Variants in GRB7 observed in about 807,000 individuals in gnomAD.
GRB7 encodes the protein growth factor receptor bound protein 7, also known as growth factor receptor-bound protein 7.
Under a neutral mutation model 64.1 loss-of-function variants are expected in GRB7, and 47 were observed. That is an observed-to-expected ratio of 0.73 (90% CI 0.58 to 0.94). GRB7 has a LOEUF of 0.94. GRB7 is among the 40% of genes least tolerant of loss of function. The pLI is 0.00. For synonymous variants in GRB7, 277 were observed against 279.9 expected (o/e 0.99, Z 0.10); for missense variants, 634 against 718.4 (o/e 0.88, Z 1.34).
In GRB7 at chr17:39,744,599, T is replaced by G; in HGVS notation, c.848T>G (p.Val283Gly). ...GTGGCAGATGTGAACGAGTCCAACGTGTACGTGGTGACGCAGGGCCGCAAG... is the reference window on the plus strand; with the variant it reads ...GTGGCAGATGTGAACGAGTCCAACGGGTACGTGGTGACGCAGGGCCGCAAG... Reference protein sequence around the residue: ...QYVADVNESNVYVVTQGRKLY... With the variant: ...QYVADVNESNGYVVTQGRKLY... Residue 283 changes from valine to glycine, a missense_variant, in exon 8 of 15, where the codon GTG (valine) becomes GGG (glycine). Physicochemically the swap from Val to Gly is moderately radical, Grantham distance 109 (BLOSUM62 -3). This residue lies in a region of GRB7 where 467 missense variants were observed against 576.6 expected (regional missense o/e 0.81). Transcript: ENST00000309156. 2 of 1,612,222 alleles carry G rather than the reference T, an allele frequency of 1.2e-6. No homozygotes were observed. Among genetic ancestry groups the G allele is most frequent in the Non-Finnish European group, 1.7e-6 (2 of 1,179,168 alleles).
intron 7 of GRB7, 138 bp downstream of exon 7, chr17:39,744,345 T>C: frequency 9.3e-7 from 1 of 1,075,398 alleles, no homozygotes; most frequent in Non-Finnish European, 1.4e-6. Context: ...CATCTCTCCC[T>C]ACATCCTTGC....
rs776869597 is a variant in GRB7, at chr17:39,744,635, T to C, written c.884T>C (p.Met295Thr). ...VVTQGRKLYG[M>T]PTDFGFCVKP... Reference sequence around the variant, plus strand: ...ACGCAGGGCCGCAAGCTCTACGGGATGCCCACTGACTTCGGTTTCTGTGTC... The same window carrying C: ...ACGCAGGGCCGCAAGCTCTACGGGACGCCCACTGACTTCGGTTTCTGTGTC... The change falls in exon 8 of 15, where the codon ATG becomes ACG. Residue 295 changes from methionine (M) to threonine (T), a missense_variant. Transcript: ENST00000309156. The C allele has an allele frequency of 6.2e-7, 1 of 1,609,782 alleles. No individual in the cohort carries two copies.
intron 1 of GRB7, among the ~76,000 whole-genome samples, chr17:39,739,626 C>T (rs2059978719): frequency 6.6e-6 from 1 of 152,370 alleles, no homozygotes; most frequent in Admixed American, 6.5e-5. Flanking sequence ...CCCTGAACAC[C>T]GGGCCCCGCC....
intron 7 of GRB7, 108 bp from the exon 8 acceptor site, chr17:39,744,445 A>G: frequency 1.1e-6 from 1 of 935,372 alleles, no homozygotes; most frequent in Middle Eastern, 2.1e-4. Flanking sequence ...GACCCTGGGT[A>G]TTCCCCTGCC....
intron 1 of GRB7, among the ~76,000 whole-genome samples, chr17:39,739,462 C>G (rs2059977357): frequency 1.3e-5 from 2 of 152,210 alleles, no homozygotes; most frequent in Non-Finnish European, 2.9e-5. Flanking sequence ...CACCTGGGCC[C>G]TGCACCCTAA....
chr17:39,746,753 C>T lies in GRB7; in HGVS notation c.1455C>T (p.Ser485=), dbSNP rs754085152. Reference sequence around the variant, plus strand: ...CCACCCCCTTTACTGTACCCCAGAGCGAGGAGGAGGGCCGCCTGTACTTCA... The same window carrying T: ...CCACCCCCTTTACTGTACCCCAGAGTGAGGAGGAGGGCCGCCTGTACTTCA... The part of the protein sequence containing the change: ...QKVKHYLILP[S]EEEGRLYFSM... The change falls in exon 15 of 15, where the codon AGC becomes AGT. Residue 485 remains serine (S), a splice_region_variant and synonymous_variant. Transcript: ENST00000309156. 4 of 1,613,796 alleles carry T rather than the reference C, an allele frequency of 2.5e-6. No homozygotes were observed. Among genetic ancestry groups the T allele is most frequent in the African/African-American group, 1.3e-5 (1 of 75,072 alleles).
intron 9 of GRB7, 25 bp downstream of exon 9, chr17:39,745,009 G>T (rs747012552): frequency 2.5e-6 from 4 of 1,574,914 alleles, no homozygotes; most frequent in East Asian, 2.2e-5. Flanking sequence ...GTGGCATGGG[G>T]GGCTGGCCTG....
chr17:39,745,225 T>C lies in GRB7; in HGVS notation c.1012-18T>C, dbSNP rs377536829. The C allele has an allele frequency of 2.9e-5, 46 of 1,574,932 alleles. No individual in the cohort carries two copies. Among genetic ancestry groups the C allele is most frequent in the East Asian group, 1.1e-4 (5 of 44,494 alleles). On this transcript the variant is annotated intron_variant, in intron 9 of 14. Coordinates refer to ENST00000309156, the MANE Select transcript of GRB7 (RefSeq NM_005310.5). The stretch of plus-strand genomic sequence containing the variant: ...AGGACCTCTCGACCTCAAGCTCTCT[T>C]TCTCTCCCCACCCCCAGTACGGGGT...
In GRB7 at chr17:39,744,292, C is replaced by A. The variant is rs1433361756; in HGVS notation, c.801+85C>A. The stretch of plus-strand genomic sequence containing the variant: ...CCCTTCTCTGCTGGAACCTCTGAGC[C>A]CTTCTCCCCCTGGGCCCCCCAGGCC... On this transcript the variant is annotated intron_variant, in intron 7 of 14. Coordinates refer to ENST00000309156, the MANE Select transcript of GRB7 (RefSeq NM_005310.5). 3.9e-6 allele frequency: 6 copies of A among 1,522,646 alleles called. No homozygotes were observed. The African/African-American group carries it at 5.5e-5, about 14-fold the overall frequency. The allele number at this position is 1,522,646 out of a possible 1,614,324, so 94.3% of individuals were successfully genotyped here.
chr17:39,746,140 C>A lies in GRB7; in HGVS notation c.1390C>A (p.Pro464Thr), dbSNP rs773223736. Residue 464 changes from proline (P) to threonine (T), a missense_variant, in exon 14 of 15, where the codon CCC (proline) becomes ACC (threonine). Around this residue, in one of 2 missense-constraint regions of GRB7, gnomAD observed 467 missense variants for 576.6 expected, o/e 0.81. Coordinates refer to ENST00000309156, the MANE Select transcript of GRB7 (RefSeq NM_005310.5). ...LFLVRESQRNPQGFVLSLCHL... is the reference protein window; with the variant it reads ...LFLVRESQRNTQGFVLSLCHL... ...CCTGGTCCGGGAGAGTCAGCGGAACCCCCAGGGCTTTGTCCTCTCTTTGTG... is the reference window on the plus strand; with the variant it reads ...CCTGGTCCGGGAGAGTCAGCGGAACACCCAGGGCTTTGTCCTCTCTTTGTG... 5.6e-6 allele frequency: 9 copies of A among 1,613,934 alleles called. No individual in the cohort carries two copies.
rs757657755 is a variant in GRB7, at chr17:39,744,868, A to G, written c.913-18A>G. The G allele has an allele frequency of 1.9e-6, 3 of 1,603,542 alleles. No homozygotes were observed. In the East Asian group the frequency reaches 6.7e-5, roughly 36 times the overall value. On this transcript the variant is annotated intron_variant, in intron 8 of 14. Coordinates refer to ENST00000309156, the MANE Select transcript of GRB7 (RefSeq NM_005310.5). The stretch of plus-strand genomic sequence containing the variant: ...CCTAAAGGCAGATATGGGACCAGTC[A>G]ATTTCCTCTCTCTGCAGCCCAACAA...
Position 39,742,685 on chromosome 17 carries a change from G to A in GRB7, c.275G>A (p.Gly92Glu), listed in dbSNP as rs750720235. The A allele has an allele frequency of 6.3e-6, 10 of 1,583,110 alleles. No individual in the cohort carries two copies. The highest frequency in any genetic ancestry group is 1.4e-5 in the African/African-American group (1 of 73,332). ...CTCGGGGGCCCCTCCAGTGCAAGGG[G>A]GCTGCTCCCCCGCGATGCCAGCCGC... ...PILGGPSSARGLLPRDASRPH... is the reference protein window; with the variant it reads ...PILGGPSSARELLPRDASRPH... The change falls in exon 3 of 15, where the codon GGG becomes GAG. Residue 92 changes from glycine to glutamate, a missense_variant. Gly to Glu is a moderately conservative substitution (Grantham distance 98). This residue lies in a region of GRB7 where 167 missense variants were observed against 141.9 expected (regional missense o/e 1.18). Transcript: ENST00000309156.
chr17:39,744,298 C>T (rs145555661), intron 7 of GRB7, 91 bp downstream of exon 7: 206 of 1,464,018 alleles, frequency 1.4e-4, no homozygotes, highest in East Asian at 1.8e-4. Context: ...GAGCCCTTCT[C>T]CCCCTGGGCC....
intron 1 of GRB7, chr17:39,739,936 G>C (rs2059981132): frequency 4.2e-6 from 4 of 960,282 alleles, no homozygotes; most frequent in Non-Finnish European, 5.0e-6. Flanking sequence ...TCCAGCCTTA[G>C]AAGCTTAAGG....
Position 39,745,559 on chromosome 17 carries a change from G to A in GRB7, c.1209+21G>A, listed in dbSNP as rs371720534. ...GGAGGGTGAGGCCTGCTGTGTGTGT[G>A]TGTGTTTGTGCTGGGGACCCACTCT... On this transcript the variant is annotated intron_variant, in intron 11 of 14. Coordinates refer to ENST00000309156, the MANE Select transcript of GRB7 (RefSeq NM_005310.5). 4 of 1,598,872 alleles carry A rather than the reference G, an allele frequency of 2.5e-6. No individual in the cohort carries two copies. The African/African-American group carries it at 5.3e-5, about 21-fold the overall frequency.
intron 14 of GRB7, 122 bp from the exon 15 acceptor site, chr17:39,746,629 A>AT: frequency 4.2e-6 from 5 of 1,189,302 alleles, no homozygotes; most frequent in Non-Finnish European, 4.6e-6. Flanking sequence ...AAAAAAAAAA[A>AT]GAAAGAAAAA....
In GRB7 at chr17:39,744,940, G is replaced by A. The variant is rs1401276944; in HGVS notation, c.967G>A (p.Glu323Lys). ...KGLRIFCSED[E>K]QSRTCWLAAF... Reference sequence around the variant, plus strand: ...GCTTCGGATCTTCTGCAGTGAAGATGAGCAGAGCCGCACCTGCTGGCTGGC... The same window carrying A: ...GCTTCGGATCTTCTGCAGTGAAGATAAGCAGAGCCGCACCTGCTGGCTGGC... Residue 323 changes from glutamate (E) to lysine (K), a missense_variant, in exon 9 of 15, where the codon GAG becomes AAG. Coordinates refer to ENST00000309156, the MANE Select transcript of GRB7 (RefSeq NM_005310.5). 3 of 1,613,960 alleles carry A rather than the reference G, an allele frequency of 1.9e-6. No homozygotes were observed. Among genetic ancestry groups the A allele is most frequent in the African/African-American group, 2.7e-5 (2 of 74,932 alleles).
At position 39,742,192 on chromosome 17, in the gene GRB7, G is replaced by A. The variant is rs112233167; in HGVS notation, c.-50-60G>A. ...AGTGAGGTGCTAGGTAAACTCTGAG[G>A]GGCACCCTAACCGCCGTGTGAGGTC... On this transcript the variant is annotated intron_variant, in intron 1 of 14. Transcript: ENST00000309156. 8.2e-6 allele frequency: 10 copies of A among 1,220,508 alleles called. No homozygotes were observed. In the Admixed American group the frequency reaches 1.4e-4, roughly 16 times the overall value. 75.6% of individuals were successfully genotyped at this position (1,220,508 alleles called of 1,614,324 possible).
intron 7 of GRB7, 151 bp from the exon 8 acceptor site, chr17:39,744,402 T>C (rs375140173): frequency 1.9e-5 from 16 of 848,254 alleles, no homozygotes; most frequent in Admixed American, 9.6e-5. Context: ...ATGATCTTAG[T>C]TTAAGTCCTG....
Sources: allele counts gnomAD v4.1 joint callset (sites outside exome capture counted in the v4.1 genomes callset), GRCh38; gene constraint gnomAD v4.1.1; regional missense constraint gnomAD v4.1.1; transcripts MANE v1.5; gene names NCBI Gene and HGNC (gene_info 2026-07-23, HGNC 2026-07-21).